Variants in PRDX1 observed in about 807,000 individuals in gnomAD.
PRDX1 encodes the protein peroxiredoxin 1, also known as peroxiredoxin-1.
PRDX1 carries 19 observed loss-of-function variants against 20.7 expected under a neutral mutation model. The ratio of observed to expected loss-of-function variants is 0.92; its 90% CI spans 0.64 to 1.35. PRDX1 has a LOEUF of 1.35. Ranked by LOEUF, PRDX1 falls within the 40% of genes most tolerant of loss-of-function variation. The pLI is 0.00. For missense variants in PRDX1, 226 were observed against 240.0 expected (o/e 0.94, Z 0.38); for synonymous variants, 89 against 83.9 (o/e 1.06, Z -0.33).
chr1:45,511,640 C>A, intron 5 of PRDX1: 3 of 372,228 alleles, frequency 8.1e-6, no homozygotes, highest in Non-Finnish European at 1.4e-5. Context: ...TCATGTAGCA[C>A]TTGAAATTTA....
At position 45,511,361 on chromosome 1, in the gene PRDX1, T is replaced by C. The variant is rs759072788; in HGVS notation, c.568A>G (p.Lys190Glu). The change falls in exon 6 of 6, where the codon AAG (lysine) becomes GAG (glutamate). Residue 190 changes from lysine to glutamate, a missense_variant. Coordinates refer to ENST00000319248, the MANE Select transcript of PRDX1 (RefSeq NM_181697.3). Reference sequence around the variant, plus strand: ...TGCTTGGAGAAATATTCTTTGCTCTTTTGGACATCAGGCTTGATGGTATCA... The same window carrying C: ...TGCTTGGAGAAATATTCTTTGCTCTCTTGGACATCAGGCTTGATGGTATCA... Reference protein sequence around the residue: ...GSDTIKPDVQKSKEYFSKQK With the variant: ...GSDTIKPDVQESKEYFSKQK 1 of 1,613,122 alleles carries C rather than the reference T, an allele frequency of 6.2e-7. No homozygotes were observed. Among genetic ancestry groups the C allele is most frequent in the Admixed American group, 1.7e-5 (1 of 59,882 alleles).
chr1:45,516,943 C>T (rs1028297177), intron 2 of PRDX1, among the ~76,000 whole-genome samples: 1 of 150,732 alleles, frequency 6.6e-6, no homozygotes, highest in African/African-American at 2.5e-5. Context: ...ATCACTTGAA[C>T]CGGGGAGATG....
At chr1:45,514,744 T>C (rs906458718) in intron 4 of PRDX1, 107 bp from the exon 5 acceptor site, 5 of 1,565,928 alleles carry the variant, frequency 3.2e-6, no homozygotes, top group Non-Finnish European at 4.4e-6. Flanking sequence ...ACACTCCTAC[T>C]GGCCTGGCCT....
chr1:45,517,473 G>A (rs1643871515), intron 2 of PRDX1, among the ~76,000 whole-genome samples: 1 of 152,140 alleles, frequency 6.6e-6, no homozygotes, highest in Non-Finnish European at 1.5e-5. Context: ...AACTTGCCAA[G>A]TGTCTGCATG....
In PRDX1 at chr1:45,518,992, T is replaced by C; in HGVS notation, c.52A>G (p.Thr18Ala). Reference sequence around the variant, plus strand: ...AACTGACCATCTGGCATAACAGCTGTGGCTTTGAAGTTGGGGGCAGGGTGC... The same window carrying C: ...AACTGACCATCTGGCATAACAGCTGCGGCTTTGAAGTTGGGGGCAGGGTGC... ...IGHPAPNFKA[T>A]AVMPDGQFKD... Residue 18 changes from threonine to alanine, a missense_variant, in exon 2 of 6, where the codon ACA (threonine) becomes GCA (alanine). Transcript: ENST00000319248. 6.2e-7 allele frequency: 1 copy of C among 1,604,930 alleles called. No individual in the cohort carries two copies.
intron 1 of PRDX1, among the ~76,000 whole-genome samples, chr1:45,520,047 AC>A (rs1430844785): frequency 3.4e-4 from 51 of 152,066 alleles, no homozygotes; most frequent in African/African-American, 1.1e-3. Flanking sequence ...TCTACTAGAA[AC>A]ACAAAAATTA....
Position 45,514,861 on chromosome 1 carries a change from C to A in PRDX1, c.383+12G>T. The A allele has an allele frequency of 1.2e-6, 2 of 1,614,020 alleles. No individual in the cohort carries two copies. The highest frequency in any genetic ancestry group is 1.7e-6 in the Non-Finnish European group (2 of 1,179,946). On this transcript the variant is annotated intron_variant, in intron 4 of 5. Coordinates refer to ENST00000319248, the MANE Select transcript of PRDX1 (RefSeq NM_181697.3). The stretch of plus-strand genomic sequence containing the variant: ...GCTTTCAGCCAACTGGATACTTGTC[C>A]TGATGACATACCTGAACGAGATGCC...
At chr1:45,520,740 A>C (rs1409353201) in intron 1 of PRDX1, among the ~76,000 whole-genome samples, 4 of 149,228 alleles carry the variant, frequency 2.7e-5, no homozygotes, top group African/African-American at 1.0e-4. Flanking sequence ...AAAAAAAAAA[A>C]AAAAATACAA....
chr1:45,518,946 TCAGA>T lies in PRDX1; in HGVS notation c.94_97del (p.Ser32ThrfsTer41), dbSNP rs760427430. 2.5e-6 allele frequency: 4 copies of T among 1,598,106 alleles called. No individual in the cohort carries two copies. The highest frequency in any genetic ancestry group is 1.7e-4 in the Middle Eastern group (1 of 6,004). ...AGTGTTAATTCTCTCACCTTTGTAG[TCAGA>T]CAGGCTGATATCTTTAAACTGACCA... On this transcript the variant is annotated frameshift_variant, in exon 2 of 6. Coordinates refer to ENST00000319248, the MANE Select transcript of PRDX1 (RefSeq NM_181697.3). LOFTEE classifies it high-confidence loss of function.
chr1:45,520,205 C>CAAAAA (rs59260423), intron 1 of PRDX1, among the ~76,000 whole-genome samples: 5 of 91,042 alleles, frequency 5.5e-5, no homozygotes, highest in African/African-American at 1.8e-4. Flanking sequence ...ACTCTGTCTC[C>CAAAAA]AAAAAAAAAA....
chr1:45,516,155 C>G (rs1286978417), intron 2 of PRDX1, among the ~76,000 whole-genome samples: 1 of 152,020 alleles, frequency 6.6e-6, no homozygotes, highest in African/African-American at 2.4e-5. Flanking sequence ...TAAGCATGGC[C>G]TAATGCCAAT....
At chr1:45,519,177 T>A in intron 1 of PRDX1, 123 bp from the exon 2 acceptor site, 4 of 623,886 alleles carry the variant, frequency 6.4e-6, no homozygotes, top group Non-Finnish European at 1.1e-5. Flanking sequence ...CTGAATACAT[T>A]AAATGTTGTT....
chr1:45,521,515 G>A (rs1410065492), intron 1 of PRDX1: 1 of 152,326 alleles, frequency 6.6e-6, no homozygotes, highest in Non-Finnish European at 1.5e-5. Flanking sequence ...TCCGGCAGGA[G>A]GCTAGTCTCG....
At position 45,514,630 on chromosome 1, in the gene PRDX1, A is replaced by G; in HGVS notation, c.391T>C (p.Phe131Leu). 6.2e-7 allele frequency: 1 copy of G among 1,613,802 alleles called. No individual in the cohort carries two copies. The highest frequency in any genetic ancestry group is 8.5e-7 in the Non-Finnish European group (1 of 1,179,672). ...ADEGISFRGL[F>L]IIDDKGILRQ... Reference sequence around the variant, plus strand: ...AGAATACCCTTATCATCAATGATAAAAAGGCCCCTGGGAAAAGAGATGAAA... The same window carrying G: ...AGAATACCCTTATCATCAATGATAAGAAGGCCCCTGGGAAAAGAGATGAAA... Residue 131 changes from phenylalanine (F) to leucine (L), a missense_variant, in exon 5 of 6, where the codon TTT (phenylalanine) becomes CTT (leucine). By Grantham distance (22) the Phe-to-Leu change is conservative. Coordinates refer to ENST00000319248, the MANE Select transcript of PRDX1 (RefSeq NM_181697.3).
intron 1 of PRDX1, among the ~76,000 whole-genome samples, chr1:45,520,017 CAACATGGTGA>C (rs1643894596): frequency 6.6e-6 from 1 of 151,984 alleles, no homozygotes; most frequent in African/African-American, 2.4e-5. Flanking sequence ...CCAGTCTGGC[CAACATGGTGA>C]AACCCCGTCT....
At chr1:45,516,258 G>A (rs900710399) in intron 2 of PRDX1, among the ~76,000 whole-genome samples, 13 of 152,222 alleles carry the variant, frequency 8.5e-5, no homozygotes, top group African/African-American at 2.7e-4. Flanking sequence ...CACTTCTCCC[G>A]TGATGAACCA....
chr1:45,511,565 A>G, intron 5 of PRDX1, 151 bp from the exon 6 acceptor site: 1 of 492,904 alleles, frequency 2.0e-6, no homozygotes, highest in East Asian at 3.1e-5. Flanking sequence ...TTTTAGTATG[A>G]GCTAACCATT....
At chr1:45,521,691 G>C (rs550960720) in intron 1 of PRDX1, 138 bp downstream of exon 1, 1 of 152,528 alleles carries the variant, frequency 6.6e-6, no homozygotes, top group African/African-American at 2.4e-5. Flanking sequence ...CTCGGACTCC[G>C]GGCCTCCCCC....
chr1:45,511,472 T>G, intron 5 of PRDX1, 58 bp from the exon 6 acceptor site: 1 of 1,429,012 alleles, frequency 7.0e-7, no homozygotes, highest in Non-Finnish European at 9.8e-7. Flanking sequence ...ACCACCATTC[T>G]CCTATGGACA....
Sources: gnomAD v4.1 joint callset for allele counts (sites outside exome capture counted in the v4.1 genomes callset) on GRCh38, gnomAD v4.1.1 for gene constraint, MANE v1.5 for transcripts, NCBI Gene and HGNC (gene_info 2026-07-23, HGNC 2026-07-21) for gene names.